Variants in PCDHA13 observed in about 807,000 individuals in gnomAD.
PCDHA13 encodes the protein protocadherin alpha-13.
In PCDHA13, 54 loss-of-function variants were observed where a neutral mutation model predicts 64.8. That is an observed-to-expected ratio of 0.83 (90% CI 0.67 to 1.04). PCDHA13 has a LOEUF of 1.04. Among genes scored for constraint, PCDHA13 ranks in the 50% least tolerant of loss-of-function variants. The pLI is 0.00. For missense variants in PCDHA13, 1,248 were observed against 1,254.3 expected, an observed-to-expected ratio of 0.99 and a Z score of 0.08; for synonymous variants, 587 against 564.4, an observed-to-expected ratio of 1.04 and a Z score of -0.57.
At chr5:140,892,537 CTT>C (rs570429050) in intron 1 of PCDHA13, among the ~76,000 whole-genome samples, 2 of 152,252 alleles carry the variant, frequency 1.3e-5, no homozygotes, top group South Asian at 4.1e-4. Flanking sequence ...AGGATTCTGA[CTT>C]TTGTTTCTCT....
intron 1 of PCDHA13, among the ~76,000 whole-genome samples, chr5:140,895,496 T>A (rs1364776623): frequency 1.3e-5 from 2 of 152,216 alleles, no homozygotes; most frequent in African/African-American, 4.8e-5. Flanking sequence ...TATTCAGAAC[T>A]TTTGCCCAAT....
At chr5:140,938,805 A>G (rs367644327) in intron 1 of PCDHA13, among the ~76,000 whole-genome samples, 3 of 152,162 alleles carry the variant, frequency 2.0e-5, no homozygotes, top group East Asian at 3.9e-4. Context: ...TCGGTACCAC[A>G]AACCCCTGTG....
At chr5:140,895,253 CT>C (rs1411327383) in intron 1 of PCDHA13, among the ~76,000 whole-genome samples, 2 of 151,968 alleles carry the variant, frequency 1.3e-5, no homozygotes, top group Non-Finnish European at 2.9e-5. Context: ...TCAAAGCTTT[CT>C]TTTTTTTCTT....
In PCDHA13 at chr5:141,011,725, TGCAA is replaced by T. The variant is rs1283017882; in HGVS notation, c.*1792_*1795del. 6.5e-6 allele frequency: 1 copy of T among 153,742 alleles called. No individual in the cohort carries two copies. The highest frequency in any genetic ancestry group is 1.5e-5 in the Non-Finnish European group (1 of 68,032). The allele number at this position is 153,742 out of a possible 1,614,324, so 9.5% of individuals were successfully genotyped here. ...ATACTGACAATATTCCATGAGGGTG[TGCAA>T]GCACAAATTTTACCAATCTGACCTC... On this transcript the variant is annotated 3_prime_UTR_variant, in exon 4 of 4. Coordinates refer to ENST00000289272, the MANE Select transcript of PCDHA13 (RefSeq NM_018904.3).
At chr5:140,965,555 G>A (rs1373065218) in intron 1 of PCDHA13, among the ~76,000 whole-genome samples, 4 of 151,798 alleles carry the variant, frequency 2.6e-5, no homozygotes, top group Non-Finnish European at 5.9e-5. Flanking sequence ...CCTGGCTTAG[G>A]AGATCAACAG....
chr5:140,953,901 A>G (rs1354951706), intron 1 of PCDHA13, among the ~76,000 whole-genome samples: 1 of 152,156 alleles, frequency 6.6e-6, no homozygotes, highest in Admixed American at 6.5e-5. Flanking sequence ...TATTAAGCCC[A>G]GCATCCATTA....
In PCDHA13 at chr5:140,970,051, C is replaced by T. The variant is rs915260486; in HGVS notation, c.2395-8898C>T. 4.0e-5 allele frequency among the ~76,000 whole-genome samples: 6 copies of T among 151,880 alleles called. No individual in the cohort carries two copies. The South Asian group carries it at 1.2e-3, about 32-fold the overall frequency. On this transcript the variant is annotated intron_variant, in intron 1 of 3. Coordinates refer to ENST00000289272, the MANE Select transcript of PCDHA13 (RefSeq NM_018904.3). Reference sequence around the variant, plus strand: ...TTAAGTACCAATTTGTCTGGTTGGTCCAGGGAGGTATTAGAATGAGTGGAT... The same window carrying T: ...TTAAGTACCAATTTGTCTGGTTGGTTCAGGGAGGTATTAGAATGAGTGGAT...
intron 3 of PCDHA13, among the ~76,000 whole-genome samples, chr5:140,994,812 A>G (rs565084284): frequency 6.6e-5 from 10 of 152,328 alleles, no homozygotes; most frequent in African/African-American, 2.2e-4. Flanking sequence ...CAAAATACAA[A>G]AAACTGAATT....
intron 1 of PCDHA13, among the ~76,000 whole-genome samples, chr5:140,885,980 C>T (rs888571995): frequency 6.6e-6 from 1 of 151,942 alleles, no homozygotes; most frequent in African/African-American, 2.4e-5. Flanking sequence ...ATTATAGATT[C>T]GCATGTGGTT....
chr5:140,902,734 C>T (rs1345954248), intron 1 of PCDHA13, among the ~76,000 whole-genome samples: 1 of 151,052 alleles, frequency 6.6e-6, no homozygotes, highest in Non-Finnish European at 1.5e-5. Flanking sequence ...CCCTCCAAGT[C>T]CCCCAAATCC....
At chr5:140,888,159 C>T (rs1468895090) in intron 1 of PCDHA13, among the ~76,000 whole-genome samples, 1 of 152,080 alleles carries the variant, frequency 6.6e-6, no homozygotes, top group Non-Finnish European at 1.5e-5. Flanking sequence ...GACTGGTAAT[C>T]TCTAATAAGA....
At chr5:140,940,258 C>A (rs2092581637) in intron 1 of PCDHA13, among the ~76,000 whole-genome samples, 1 of 152,130 alleles carries the variant, frequency 6.6e-6, no homozygotes, top group South Asian at 2.1e-4. Flanking sequence ...TCAATATCTT[C>A]TGGGTTCCAC....
chr5:140,996,524 C>A (rs1303736536), intron 3 of PCDHA13, among the ~76,000 whole-genome samples: 3 of 152,048 alleles, frequency 2.0e-5, no homozygotes, highest in African/African-American at 7.2e-5. Flanking sequence ...TTAGAAAGGC[C>A]CTGTGTGTTT....
chr5:140,931,209 A>C (rs1554208285), intron 1 of PCDHA13, among the ~76,000 whole-genome samples: 1 of 152,184 alleles, frequency 6.6e-6, no homozygotes, highest in African/African-American at 2.4e-5. Context: ...CTAGTATTTC[A>C]GGTATCAGAG....
rs782634199 is a variant in PCDHA13 at position 140,882,705 on chromosome 5, G to A, written c.437G>A (p.Arg146Lys). The A allele has an allele frequency of 3.7e-6, 6 of 1,614,172 alleles. No individual in the cohort carries two copies. The South Asian group carries it at 6.6e-5, about 18-fold the overall frequency. The change falls in exon 1 of 4, where the codon AGA becomes AAA. Residue 146 changes from arginine to lysine, a missense_variant. Transcript: ENST00000289272. ...SKKRIIIAES[R>K]PPETRFPLDG... ...AAACGAATAATCATTGCAGAATCTA[G>A]ACCTCCGGAAACTCGATTTCCACTA...
rs1364118007 is a variant in PCDHA13 at position 140,899,089 on chromosome 5, G to T, written c.2394+14427G>T. Among the ~76,000 whole-genome samples the T allele has an allele frequency of 5.3e-5, 8 of 152,134 alleles. No individual in the cohort carries two copies. The East Asian group carries it at 1.5e-3, about 29-fold the overall frequency. On this transcript the variant is annotated intron_variant, in intron 1 of 3. Coordinates refer to ENST00000289272, the MANE Select transcript of PCDHA13 (RefSeq NM_018904.3). ...TGCTTATCAGCTTAAGGAGATTTTG[G>T]GCTGAGATAATGGGGTTTTCTAGAT...
chr5:140,928,551 G>T, intron 1 of PCDHA13: 2 of 1,614,164 alleles, frequency 1.2e-6, no homozygotes, highest in Non-Finnish European at 1.7e-6. Context: ...ACAATTATCC[G>T]GTTATCTTGT....
At chr5:140,938,278 G>A (rs1394435028) in intron 1 of PCDHA13, among the ~76,000 whole-genome samples, 1 of 152,090 alleles carries the variant, frequency 6.6e-6, no homozygotes, top group African/African-American at 2.4e-5. Context: ...TAGTTTTCTT[G>A]CTTTCTGTCA....
chr5:140,998,186 CA>C (rs1323195881), intron 3 of PCDHA13, among the ~76,000 whole-genome samples: 1 of 152,088 alleles, frequency 6.6e-6, no homozygotes, highest in African/African-American at 2.4e-5. Context: ...AAGCACTTTA[CA>C]AGTATTAACT....
Sources: allele counts gnomAD v4.1 joint callset (sites outside exome capture counted in the v4.1 genomes callset), GRCh38; gene constraint gnomAD v4.1.1; transcripts MANE v1.5; gene names NCBI Gene and HGNC (gene_info 2026-07-23, HGNC 2026-07-21).